CNTNAP3B: variants seen among roughly 807,000 people sequenced by gnomAD.
CNTNAP3B encodes the protein contactin associated protein family member 3B.
Under a neutral mutation model 108.9 loss-of-function variants are expected in CNTNAP3B, and 25 were observed. The ratio of observed to expected loss-of-function variants is 0.23; its 90% CI spans 0.17 to 0.32. The LOEUF is 0.32. Ranked by LOEUF, CNTNAP3B falls within the 10% of genes least tolerant of loss-of-function variation. The pLI is 1.00. For missense variants in CNTNAP3B, 252 were observed against 1,210.4 expected, an observed-to-expected ratio of 0.21 and a Z score of 11.75; for synonymous variants, 103 against 473.4, an observed-to-expected ratio of 0.22 and a Z score of 10.16.
chr9:41,975,172 G>C (rs1825502018), intron 9 of CNTNAP3B: 1 of 191,772 alleles, frequency 5.2e-6, no homozygotes, highest in Admixed American at 6.6e-5. Context: ...GGGAAGACTA[G>C]CAAATCAGGC....
intron 16 of CNTNAP3B, among the ~76,000 whole-genome samples, chr9:41,923,491 G>T (rs1396468093): frequency 2.6e-5 from 4 of 152,228 alleles, no homozygotes. Context: ...GCTGGGTGTG[G>T]CAGTTCACAC....
At position 42,113,429 on chromosome 9, in the gene CNTNAP3B, G is replaced by A. The variant is rs1451086712; in HGVS notation, c.86-8690C>T. On this transcript the variant is annotated intron_variant, in intron 1 of 23. Coordinates refer to ENST00000377561, the MANE Select transcript of CNTNAP3B (RefSeq NM_001201380.3). ...GATTTTTGGCTAAAGTATATAATAC[G>A]AGAATAAGACGAACCTATTTTTTTG... 2.2e-5 allele frequency among the ~76,000 whole-genome samples: 3 copies of A among 139,474 alleles called. 1 individual carries two copies. Among genetic ancestry groups the A allele is most frequent in the Non-Finnish European group, 4.6e-5 (3 of 65,016 alleles). The allele number at this position is 139,474 out of a possible 152,430, so 91.5% of individuals were successfully genotyped here. A position where few individuals can be genotyped will look rare whatever the true frequency, so the allele number is the denominator to read the frequency against.
chr9:41,951,891 A>G (rs1489110266), intron 13 of CNTNAP3B, among the ~76,000 whole-genome samples: 5 of 152,248 alleles, frequency 3.3e-5, no homozygotes, highest in Non-Finnish European at 7.3e-5. Flanking sequence ...AGCCTGACCA[A>G]CACGGTGAAA....
intron 14 of CNTNAP3B, among the ~76,000 whole-genome samples, chr9:41,934,082 GC>G (rs1328007672): frequency 3.9e-5 from 3 of 77,820 alleles, no homozygotes; most frequent in African/African-American, 9.4e-5. Context: ...GTGTCAATTT[GC>G]CTTTGCATAT....
intron 1 of CNTNAP3B, among the ~76,000 whole-genome samples, chr9:42,115,333 C>G (rs1828290490): frequency 7.6e-6 from 1 of 132,386 alleles, no homozygotes; most frequent in Non-Finnish European, 1.6e-5. Flanking sequence ...CAGGTGATTT[C>G]TGAATTTCCG....
intron 3 of CNTNAP3B, among the ~76,000 whole-genome samples, chr9:42,066,398 T>A (rs1587242836): frequency 1.9e-5 from 2 of 103,748 alleles, no homozygotes; most frequent in South Asian, 3.5e-4. Context: ...CAAAAAAAAG[T>A]ATTAAAAAAT....
intron 1 of CNTNAP3B, among the ~76,000 whole-genome samples, chr9:42,115,137 A>G: frequency 7.2e-6 from 1 of 138,718 alleles, no homozygotes; most frequent in Non-Finnish European, 1.5e-5. Flanking sequence ...CCCAGAACAC[A>G]TTAAGACTTT....
chr9:41,957,562 T>C lies in CNTNAP3B; in HGVS notation c.1876+3211A>G, dbSNP rs1824899344. ...TCAAAGGCATTCTTCATTTCTGTTA[T>C]GCTGTTTTTGATCTCTAGCACTCCT... On this transcript the variant is annotated intron_variant, in intron 12 of 23. Coordinates refer to ENST00000377561, the MANE Select transcript of CNTNAP3B (RefSeq NM_001201380.3). 9.6e-5 allele frequency among the ~76,000 whole-genome samples: 14 copies of C among 145,126 alleles called. No homozygotes were observed. In the South Asian group the frequency reaches 3.2e-3, roughly 33 times the overall value.
Position 42,115,390 on chromosome 9 carries a change from A to C in CNTNAP3B, c.86-10651T>G. Among the ~76,000 whole-genome samples, 2 of 135,968 alleles carry C rather than the reference A, an allele frequency of 1.5e-5. 1 individual carries two copies. The allele number at this position is 135,968 out of a possible 152,430, so 89.2% of individuals were successfully genotyped here. Reference sequence around the variant, plus strand: ...TGGTTCTCCCAGCATGGAGTTTGAGATCTGAGAATGGAAAGACTGCCTCCT... The same window carrying C: ...TGGTTCTCCCAGCATGGAGTTTGAGCTCTGAGAATGGAAAGACTGCCTCCT... On this transcript the variant is annotated intron_variant, in intron 1 of 23. Coordinates refer to ENST00000377561, the MANE Select transcript of CNTNAP3B (RefSeq NM_001201380.3).
In CNTNAP3B at chr9:42,119,617, G is replaced by A. The variant is rs544861489; in HGVS notation, c.85+9393C>T. Among the ~76,000 whole-genome samples the A allele has an allele frequency of 6.6e-5, 9 of 135,378 alleles. 2 individuals are homozygous for A. Among genetic ancestry groups the A allele is most frequent in the Non-Finnish European group, 1.3e-4 (8 of 63,714 alleles). The allele number at this position is 135,378 out of a possible 152,430, so 88.8% of individuals were successfully genotyped here. A position where few individuals can be genotyped will look rare whatever the true frequency, so the allele number is the denominator to read the frequency against. On this transcript the variant is annotated intron_variant, in intron 1 of 23. Coordinates refer to ENST00000377561, the MANE Select transcript of CNTNAP3B (RefSeq NM_001201380.3). ...ACAGTAACCAAAACAGCATGGCACT[G>A]GTACCAAAACAGAGATATAGAAAAA...
intron 3 of CNTNAP3B, among the ~76,000 whole-genome samples, chr9:42,016,925 G>T (rs1826226750): frequency 6.6e-6 from 1 of 151,802 alleles, no homozygotes; most frequent in Non-Finnish European, 1.5e-5. Context: ...GTGTGTGTGT[G>T]TGGTGTGTTC....
intron 9 of CNTNAP3B, among the ~76,000 whole-genome samples, chr9:41,973,287 GAA>G (rs1316188385): frequency 1.6e-5 from 2 of 128,380 alleles, no homozygotes; most frequent in East Asian, 2.4e-4. Context: ...AACTCTGTTA[GAA>G]AAAAAAAAAC....
intron 14 of CNTNAP3B, among the ~76,000 whole-genome samples, chr9:41,932,624 A>C (rs1225786648): frequency 6.6e-6 from 1 of 151,456 alleles, no homozygotes; most frequent in Admixed American, 6.6e-5. Context: ...GATTCAAGCG[A>C]TTCTCCTGCC....
At chr9:41,921,738 A>T (rs1804737520) in intron 17 of CNTNAP3B, among the ~76,000 whole-genome samples, 1 of 152,130 alleles carries the variant, frequency 6.6e-6, no homozygotes, top group South Asian at 2.1e-4. Flanking sequence ...GGAGTGCAAG[A>T]ACAGATGAGC....
In CNTNAP3B at chr9:41,927,410, GAAAGAAAGAA is replaced by G. The variant is rs1374218114; in HGVS notation, c.2365+1897_2365+1906del. Among the ~76,000 whole-genome samples the G allele has an allele frequency of 4.1e-4, 59 of 145,242 alleles. No individual in the cohort carries two copies. The East Asian group carries it at 0.01, about 25-fold the overall frequency. On this transcript the variant is annotated intron_variant, in intron 15 of 23. Transcript: ENST00000377561. ...AGAAAGAAAAAAAGAAGACAGGAAA[GAAAGAAAGAA>G]AAAGAAAGAAAAGAAAGAGAGAGAA... is the stretch of plus-strand genomic sequence containing the variant.
At chr9:42,094,734 A>G (rs1241304543) in intron 2 of CNTNAP3B, among the ~76,000 whole-genome samples, 5 of 85,110 alleles carry the variant, frequency 5.9e-5, no homozygotes, top group African/African-American at 2.1e-4. Flanking sequence ...AAGGAAGGAG[A>G]AGGAGGAGGA....
intron 17 of CNTNAP3B, among the ~76,000 whole-genome samples, chr9:41,921,620 A>AAT (rs1823669301): frequency 1.3e-5 from 2 of 152,302 alleles, no homozygotes. Context: ...TTTCAAAAGC[A>AAT]ATATAGCAAA....
At chr9:42,084,307 CA>C (rs1434953903) in intron 2 of CNTNAP3B, among the ~76,000 whole-genome samples, 1 of 121,644 alleles carries the variant, frequency 8.2e-6, no homozygotes, top group Non-Finnish European at 1.7e-5. Flanking sequence ...AACAATTAGG[CA>C]AAAGTGATGG....
chr9:42,119,930 C>G (rs1382175505), intron 1 of CNTNAP3B, among the ~76,000 whole-genome samples: 6 of 140,018 alleles, frequency 4.3e-5, no homozygotes, highest in East Asian at 2.2e-4. Context: ...GACTTCATGT[C>G]TAAAACACCA....
Sources: gnomAD v4.1 joint callset for allele counts (sites outside exome capture counted in the v4.1 genomes callset) on GRCh38, gnomAD v4.1.1 for gene constraint, MANE v1.5 for transcripts, NCBI Gene and HGNC (gene_info 2026-07-23, HGNC 2026-07-21) for gene names.